Variants in EXO1 observed in about 807,000 individuals in gnomAD.
The protein encoded by EXO1 is exonuclease 1.
In EXO1, 69 loss-of-function variants were observed where a neutral mutation model predicts 84.5. The ratio of observed to expected loss-of-function variants is 0.82; its 90% confidence interval spans 0.67 to 1.00. The LOEUF (loss-of-function observed/expected upper bound fraction) is 1.00, where lower values mean the gene tolerates loss of function less well. Ranked by LOEUF, EXO1 falls within the 50% of genes least tolerant of loss-of-function variation. The pLI, the probability that EXO1 is intolerant of heterozygous loss-of-function variation, is 0.00. For synonymous variants in EXO1, 373 were observed against 366.1 expected, an observed-to-expected ratio of 1.02 and a Z score of -0.21; for missense variants, 1,045 against 1,000.7, an observed-to-expected ratio of 1.04 and a Z score of -0.60.
At chr1:241,875,810 G>A (rs1339259451) in intron 12 of EXO1, among the ~76,000 whole-genome samples, 4 of 152,174 alleles carry the variant, frequency 2.6e-5, no homozygotes, top group Non-Finnish European at 4.4e-5. Flanking sequence ...CCCGGGAGGC[G>A]GAGGTTGCAG....
In EXO1 at chr1:241,878,820, C is replaced by T. The variant is rs767538758; in HGVS notation, c.1586C>T (p.Ala529Val). The T allele has an allele frequency of 5.0e-6, 8 of 1,613,966 alleles. No homozygotes were observed. The highest frequency in any genetic ancestry group is 1.7e-5 in the Admixed American group (1 of 59,996). ...KVSIQPLDET[A>V]VTDKENNLHE... ...AGCATCCAGCCTCTGGATGAAACTG[C>T]TGTCACAGATAAAGAGAACAATCTG... Residue 529 changes from alanine to valine, a missense_variant, in exon 13 of 16, where the codon GCT (alanine) becomes GTT (valine). Transcript: ENST00000366548.
chr1:241,862,001 C>T (rs1034810640), intron 10 of EXO1, among the ~76,000 whole-genome samples: 7 of 152,074 alleles, frequency 4.6e-5, no homozygotes, highest in South Asian at 2.1e-4. Context: ...TGCAATGGTG[C>T]GATCTCAGCT....
intron 6 of EXO1, among the ~76,000 whole-genome samples, chr1:241,856,116 C>T (rs946806343): frequency 6.6e-6 from 1 of 152,230 alleles, no homozygotes; most frequent in Admixed American, 6.5e-5. Context: ...GCTATGAGTA[C>T]TGCCAGCACG....
In EXO1 at chr1:241,879,932, G is replaced by A. The variant is rs554037483; in HGVS notation, c.2109+589G>A. Among the ~76,000 whole-genome samples the A allele has an allele frequency of 2.6e-4, 39 of 151,726 alleles. No individual in the cohort carries two copies. The South Asian group carries it at 6.1e-3, about 24-fold the overall frequency. ...TGAGGCAGGGTAATTATTTGAACCT[G>A]GGAGGCGGAGGTTGCAGTGAGCCGA... On this transcript the variant is annotated intron_variant, in intron 13 of 15. Coordinates refer to ENST00000366548, the MANE Select transcript of EXO1 (RefSeq NM_130398.4).
intron 6 of EXO1, among the ~76,000 whole-genome samples, chr1:241,856,968 A>G (rs1661083821): frequency 6.6e-6 from 1 of 152,190 alleles, no homozygotes; most frequent in South Asian, 2.1e-4. Flanking sequence ...AGAGCCCAGG[A>G]GGTCGAAGCT....
At chr1:241,863,235 C>T (rs1661499478) in intron 10 of EXO1, among the ~76,000 whole-genome samples, 1 of 152,054 alleles carries the variant, frequency 6.6e-6, no homozygotes, top group Admixed American at 6.6e-5. Context: ...TCTCATTTTA[C>T]AGATGAGGAA....
Position 241,848,551 on chromosome 1 carries a change from C to G in EXO1, c.-419-180C>G, listed in dbSNP as rs1660480782. Among the ~76,000 whole-genome samples, 1 of 152,128 alleles carries G rather than the reference C, an allele frequency of 6.6e-6. No individual in the cohort carries two copies. Among genetic ancestry groups the G allele is most frequent in the African/African-American group, 2.4e-5 (1 of 41,424 alleles). Reference sequence around the variant, plus strand: ...TTTGTTCCGAGGGGACGTCTGGCAACCAGAGGTCTGCAGTTCAGTGAACGG... The same window carrying G: ...TTTGTTCCGAGGGGACGTCTGGCAAGCAGAGGTCTGCAGTTCAGTGAACGG... On this transcript the variant is annotated intron_variant, in intron 1 of 15. Transcript: ENST00000366548. The surrounding 1 kb of genome is among the most constrained non-coding windows in gnomAD (Gnocchi z 4.2).
chr1:241,860,166 A>G (rs1661296754), intron 8 of EXO1, among the ~76,000 whole-genome samples: 1 of 152,178 alleles, frequency 6.6e-6, no homozygotes, highest in Admixed American at 6.5e-5. Context: ...GCATTTTTTT[A>G]ATTCTCAGAT....
intron 14 of EXO1, among the ~76,000 whole-genome samples, chr1:241,882,680 C>T (rs1439939874): frequency 6.6e-6 from 1 of 152,018 alleles, no homozygotes; most frequent in Non-Finnish European, 1.5e-5. Context: ...AGGAAAAGTA[C>T]CAATGGTTGA....
At chr1:241,872,843 G>A (rs1304842415) in intron 12 of EXO1, among the ~76,000 whole-genome samples, 1 of 152,158 alleles carries the variant, frequency 6.6e-6, no homozygotes, top group African/African-American at 2.4e-5. Flanking sequence ...ATAGTAGAAT[G>A]ATTTATAATC....
chr1:241,862,626 A>G (rs959339651), intron 10 of EXO1, among the ~76,000 whole-genome samples: 2 of 152,228 alleles, frequency 1.3e-5, no homozygotes, highest in Admixed American at 1.3e-4. Context: ...TCTTTCCAAT[A>G]GAATGTGGTC....
intron 11 of EXO1, among the ~76,000 whole-genome samples, chr1:241,868,814 T>C (rs1205547172): frequency 1.3e-5 from 2 of 152,270 alleles, no homozygotes; most frequent in East Asian, 3.8e-4. Flanking sequence ...TCTTAACATA[T>C]CTGTTGTCAA....
chr1:241,870,312 C>T (rs1007952626), intron 11 of EXO1, among the ~76,000 whole-genome samples: 2 of 152,286 alleles, frequency 1.3e-5, no homozygotes, highest in African/African-American at 4.8e-5. Flanking sequence ...AAGTTTAATT[C>T]CTATTTCATG....
At position 241,848,661 on chromosome 1, in the gene EXO1, G is replaced by T. The variant is rs1660485250; in HGVS notation, c.-419-70G>T. 6.6e-6 allele frequency: 1 copy of T among 152,262 alleles called. No homozygotes were observed. Among genetic ancestry groups the T allele is most frequent in the Non-Finnish European group, 1.5e-5 (1 of 68,062 alleles). The allele number at this position is 152,262 out of a possible 1,614,324, so 9.4% of individuals were successfully genotyped here. ...CCTCATTTTTCCGCAGAAGCTGGCA[G>T]TCCAGGTTTTACATGCAATCTCTCC... On this transcript the variant is annotated intron_variant, in intron 1 of 15. Transcript: ENST00000366548. This position sits in a 1 kb window ranked among gnomAD's most constrained non-coding sequence, Gnocchi z 4.2.
intron 9 of EXO1, 152 bp downstream of exon 9, chr1:241,860,856 C>A: frequency 1.4e-6 from 1 of 708,862 alleles, no homozygotes; most frequent in Non-Finnish European, 2.4e-6. Flanking sequence ...TTTAAATTAC[C>A]ATGCTAGTGA....
chr1:241,866,808 C>CT, intron 10 of EXO1, 22 bp from the exon 11 acceptor site: 1 of 1,503,332 alleles, frequency 6.7e-7, no homozygotes, highest in Non-Finnish European at 9.3e-7. Flanking sequence ...TGCAAATAAT[C>CT]TTTTTCCTTT....
At chr1:241,850,610 T>G (rs755755507) in intron 4 of EXO1, 24 bp downstream of exon 4, 2 of 1,604,058 alleles carry the variant, frequency 1.2e-6, no homozygotes, top group Admixed American at 3.3e-5. Flanking sequence ...TTATGTTAAT[T>G]CTTTGACAAT....
At chr1:241,868,727 G>A (rs1030374960) in intron 11 of EXO1, among the ~76,000 whole-genome samples, 1 of 152,224 alleles carries the variant, frequency 6.6e-6, no homozygotes, top group African/African-American at 2.4e-5. Flanking sequence ...TTTGGAGAAA[G>A]TGGACATTTT....
intron 3 of EXO1, among the ~76,000 whole-genome samples, chr1:241,849,604 A>T (rs776366287): frequency 7.2e-5 from 11 of 152,226 alleles, no homozygotes; most frequent in Non-Finnish European, 1.6e-4. Context: ...ATAGCAGTGA[A>T]TTTCAGTCCT....
Sources: gnomAD v4.1 joint callset for allele counts (sites outside exome capture counted in the v4.1 genomes callset) on GRCh38, gnomAD v4.1.1 for gene constraint, Gnocchi (gnomAD v3.1) non-coding constraint, MANE v1.5 for transcripts, NCBI Gene and HGNC (gene_info 2026-07-23, HGNC 2026-07-21) for gene names.